Variants in FSHR observed in about 807,000 individuals in gnomAD.
FSHR encodes follicle stimulating hormone receptor, also known as follicle-stimulating hormone receptor.
Under a neutral mutation model 52.1 loss-of-function variants are expected in FSHR, and 46 were observed. That is an observed-to-expected ratio of 0.88 (90% CI 0.70 to 1.13). The LOEUF (loss-of-function observed/expected upper bound fraction) is 1.13, where lower values mean the gene tolerates loss of function less well. Ranked by LOEUF, FSHR falls within the 50% of genes most tolerant of loss-of-function variation. The pLI is 0.00. For synonymous variants in FSHR, 399 were observed against 309.6 expected (o/e 1.29, Z -3.03); for missense variants, 964 against 834.6 (o/e 1.16, Z -1.91).
chr2:49,059,393 C>T (rs1669198863), intron 2 of FSHR, among the ~76,000 whole-genome samples: 1 of 150,510 alleles, frequency 6.6e-6, no homozygotes, highest in African/African-American at 2.5e-5. Context: ...GTTATAGTAA[C>T]CAAAACAGCA....
chr2:49,078,360 AC>A (rs1670032766), intron 1 of FSHR, among the ~76,000 whole-genome samples: 1 of 151,752 alleles, frequency 6.6e-6, no homozygotes, highest in African/African-American at 2.4e-5. Context: ...TGATTCAATT[AC>A]CTCCCACCAG....
chr2:49,093,168 A>C (rs930996226), intron 1 of FSHR, among the ~76,000 whole-genome samples: 10 of 152,180 alleles, frequency 6.6e-5, no homozygotes, highest in African/African-American at 2.4e-4. Flanking sequence ...TATCAGAGTA[A>C]TGCCGGCTTT....
At chr2:49,021,294 G>A (rs1299485717) in intron 2 of FSHR, among the ~76,000 whole-genome samples, 3 of 152,142 alleles carry the variant, frequency 2.0e-5, no homozygotes, top group African/African-American at 7.2e-5. Context: ...CCACTAGGCA[G>A]AAGCCCAGAG....
In FSHR at chr2:48,968,811, C is replaced by A. The variant is rs753249416; in HGVS notation, c.741G>T (p.Arg247Ser). ...GCAGCTTTTTTAAGTTGTAAGTCGA[C>A]CTGGCCCTCAGCTTCTTAAGATTTT... Reference protein sequence around the residue: ...GLENLKKLRARSTYNLKKLPT... With the variant: ...GLENLKKLRASSTYNLKKLPT... Residue 247 changes from arginine (R) to serine (S), a missense_variant, in exon 9 of 10, where the codon AGG (arginine) becomes AGT (serine). Arg to Ser is a moderately radical substitution (Grantham distance 110). Transcript: ENST00000406846. 2 of 1,613,964 alleles carry A rather than the reference C, an allele frequency of 1.2e-6. No homozygotes were observed. Among genetic ancestry groups the A allele is most frequent in the Admixed American group, 1.7e-5 (1 of 59,992 alleles).
At chr2:49,071,986 A>G (rs1451845332) in intron 1 of FSHR, among the ~76,000 whole-genome samples, 1 of 152,142 alleles carries the variant, frequency 6.6e-6, no homozygotes, top group African/African-American at 2.4e-5. Context: ...TCAATATGAG[A>G]TTTGCAGGAA....
At position 49,065,610 on chromosome 2, in the gene FSHR, A is replaced by C. The variant is rs113187273; in HGVS notation, c.224+2609T>G. Among the ~76,000 whole-genome samples, 429 of 152,214 alleles carry C rather than the reference A, an allele frequency of 2.8e-3. 1 individual carries two copies. Among genetic ancestry groups the C allele is most frequent in the Non-Finnish European group, 4.0e-3 (270 of 67,998 alleles). ...GTTGAATTCCAGGTATTTGCAGTTC[A>C]CTCAGATGTAGATGTTTAGGCATCT... On this transcript the variant is annotated intron_variant, in intron 2 of 9. Coordinates refer to ENST00000406846, the MANE Select transcript of FSHR (RefSeq NM_000145.4).
At chr2:49,101,460 A>C (rs1671024120) in intron 1 of FSHR, among the ~76,000 whole-genome samples, 1 of 152,204 alleles carries the variant, frequency 6.6e-6, no homozygotes, top group African/African-American at 2.4e-5. Flanking sequence ...TAAATAGACA[A>C]GGGTACGATT....
Position 48,962,955 on chromosome 2 carries a change from G to A in FSHR, c.1866C>T (p.Asn622=), listed in dbSNP as rs1559067489. 1 of 1,614,070 alleles carries A rather than the reference G, an allele frequency of 6.2e-7. No individual in the cohort carries two copies. The highest frequency in any genetic ancestry group is 8.5e-7 in the Non-Finnish European group (1 of 1,180,038). The change falls in exon 10 of 10, where the codon AAC becomes AAT. Residue 622 remains asparagine (N), a synonymous_variant. Transcript: ENST00000406846. ...TGGTAAAGATGGCATAGAGGAAGGGGTTGGCACAGGAGTTGATGGGGTGAA... is the reference window on the plus strand; with the variant it reads ...TGGTAAAGATGGCATAGAGGAAGGGATTGGCACAGGAGTTGATGGGGTGAA... ...VLFHPINSCA[N]PFLYAIFTKN...
chr2:48,995,147 G>A (rs1358504445), intron 4 of FSHR, among the ~76,000 whole-genome samples: 1 of 152,098 alleles, frequency 6.6e-6, no homozygotes, highest in Non-Finnish European at 1.5e-5. Flanking sequence ...GTGTTTGCTT[G>A]TGTTGCACTG....
intron 2 of FSHR, among the ~76,000 whole-genome samples, chr2:49,057,718 A>C (rs1057432303): frequency 2.0e-5 from 3 of 152,186 alleles, no homozygotes; most frequent in Non-Finnish European, 4.4e-5. Flanking sequence ...GGACATAGCA[A>C]AAAAAAGAAA....
chr2:49,020,037 G>C (rs767034426), intron 3 of FSHR, 49 bp downstream of exon 3: 1 of 1,488,154 alleles, frequency 6.7e-7, no homozygotes, highest in Non-Finnish European at 9.4e-7. Context: ...GAACTTTAAG[G>C]GTTTTTTCAA....
intron 1 of FSHR, among the ~76,000 whole-genome samples, chr2:49,107,148 C>T (rs1671250765): frequency 6.6e-6 from 1 of 152,256 alleles, no homozygotes; most frequent in Middle Eastern, 3.4e-3. Flanking sequence ...TGCTTTAGCC[C>T]CTAGTCCTGT....
At chr2:49,120,992 A>G (rs1189153998) in intron 1 of FSHR, among the ~76,000 whole-genome samples, 1 of 152,270 alleles carries the variant, frequency 6.6e-6, no homozygotes, top group Non-Finnish European at 1.5e-5. Flanking sequence ...ATCAGGAATT[A>G]GAAGTCCTGT....
At chr2:49,102,445 G>A (rs927997114) in intron 1 of FSHR, among the ~76,000 whole-genome samples, 3 of 152,188 alleles carry the variant, frequency 2.0e-5, no homozygotes, top group African/African-American at 7.2e-5. Flanking sequence ...TATGGGGTTG[G>A]AGTTCAGCCA....
rs557440376 is a variant in FSHR, at chr2:49,096,800, A to G, written c.153-28510T>C. ...CTGGTGAATTTCTTATGAATGGTTT[A>G]GCACCATCCCCTTAGTGCTGTCCTT... On this transcript the variant is annotated intron_variant, in intron 1 of 9. Transcript: ENST00000406846. Among the ~76,000 whole-genome samples the G allele has an allele frequency of 4.6e-5, 7 of 152,246 alleles. No homozygotes were observed. In the South Asian group the frequency reaches 1.5e-3, roughly 32 times the overall value.
At chr2:49,088,543 G>A (rs968413149) in intron 1 of FSHR, among the ~76,000 whole-genome samples, 1 of 152,170 alleles carries the variant, frequency 6.6e-6, no homozygotes, top group Non-Finnish European at 1.5e-5. Flanking sequence ...AACAGAATTC[G>A]ACTTTAATGA....
intron 2 of FSHR, among the ~76,000 whole-genome samples, chr2:49,040,880 T>G (rs1417486555): frequency 6.6e-6 from 1 of 152,098 alleles, no homozygotes; most frequent in Non-Finnish European, 1.5e-5. Flanking sequence ...TGGCCTTAAA[T>G]CAGGGCCCAG....
intron 4 of FSHR, among the ~76,000 whole-genome samples, chr2:49,006,305 A>C (rs1180654376): frequency 6.6e-6 from 1 of 152,106 alleles, no homozygotes; most frequent in Non-Finnish European, 1.5e-5. Context: ...AGTCCAAGTC[A>C]TTCTCATTAT....
chr2:49,013,503 T>TAAATATATATAAAA (rs1309018427), intron 4 of FSHR, among the ~76,000 whole-genome samples: 1 of 68,544 alleles, frequency 1.5e-5, no homozygotes, highest in Non-Finnish European at 4.3e-5. Flanking sequence ...TATATATAAA[T>TAAATATATATAAAA]ATATATATAT....
Sources: gnomAD v4.1 joint callset for allele counts (sites outside exome capture counted in the v4.1 genomes callset) on GRCh38, gnomAD v4.1.1 for gene constraint, MANE v1.5 for transcripts, NCBI Gene and HGNC (gene_info 2026-07-23, HGNC 2026-07-21) for gene names.